The following LRWD1 variants were observed in gnomAD, a reference collection of about 807,000 sequenced individuals.
LRWD1 encodes leucine-rich repeat and WD repeat-containing protein 1.
In LRWD1, 76 loss-of-function variants were observed where a neutral mutation model predicts 75.6. The ratio of observed to expected loss-of-function variants is 1.01; its 90% CI spans 0.84 to 1.22. The LOEUF is 1.22. Ranked by LOEUF, LRWD1 falls within the 50% of genes most tolerant of loss-of-function variation. The probability of loss-of-function intolerance (pLI) is 0.00; values close to 1 mark genes in which losing one functional copy is unlikely to be tolerated. For missense variants in LRWD1, 917 were observed against 862.0 expected (o/e 1.06, Z -0.80); for synonymous variants, 487 against 377.0 (o/e 1.29, Z -3.38).
chr7:102,470,038 G>C, intron 11 of LRWD1, 156 bp downstream of exon 11: 1 of 972,394 alleles, frequency 1.0e-6, no homozygotes, highest in Non-Finnish European at 1.4e-6. Flanking sequence ...CTTTCTGCCA[G>C]GCTCTGGAGG....
chr7:102,472,403 G>GAAGGT, intron 12 of LRWD1, 51 bp from the exon 13 acceptor site: 1 of 1,548,996 alleles, frequency 6.5e-7, no homozygotes, highest in Non-Finnish European at 8.7e-7. Flanking sequence ...TCTAGTGGGA[G>GAAGGT]AAGGTGTCTG....
In LRWD1 at chr7:102,472,578, G is replaced by A. The variant is rs779340903; in HGVS notation, c.1659G>A (p.Glu553=). ...CGCGGCTGCAATGGTCGTCCACCGAGTTGGCCTACTTCTCGCTCAGCGCCT... is the reference window on the plus strand; with the variant it reads ...CGCGGCTGCAATGGTCGTCCACCGAATTGGCCTACTTCTCGCTCAGCGCCT... ...VLARLQWSST[E]LAYFSLSACP... is the part of the protein sequence containing the mutation. Residue 553 remains glutamate, a synonymous_variant, in exon 13 of 15, where the codon GAG becomes GAA. Coordinates refer to ENST00000292616, the MANE Select transcript of LRWD1 (RefSeq NM_152892.3). 1.2e-6 allele frequency: 2 copies of A among 1,608,472 alleles called. No individual in the cohort carries two copies. Among genetic ancestry groups the A allele is most frequent in the East Asian group, 2.2e-5 (1 of 44,768 alleles).
At position 102,469,594 on chromosome 7, in the gene LRWD1, A is replaced by C; in HGVS notation, c.1249A>C (p.Ile417Leu). ...HLFTASYDKR[I>L]ILWDIGVPNQ... ...TTCAGCGGCCTCCTATGACAAGCGG[A>C]TCATCCTCTGGGACATCGGGGTGCC... The change falls in exon 10 of 15, where the codon ATC becomes CTC. Residue 417 changes from isoleucine to leucine, a missense_variant. Coordinates refer to ENST00000292616, the MANE Select transcript of LRWD1 (RefSeq NM_152892.3). 1 of 1,614,142 alleles carries C rather than the reference A, an allele frequency of 6.2e-7. No individual in the cohort carries two copies. Among genetic ancestry groups the C allele is most frequent in the Non-Finnish European group, 8.5e-7 (1 of 1,179,996 alleles).
At chr7:102,467,586 A>G in intron 4 of LRWD1, 107 bp downstream of exon 4, 1 of 1,534,888 alleles carries the variant, frequency 6.5e-7, no homozygotes, top group Non-Finnish European at 8.8e-7. Context: ...GGGGTGAGTC[A>G]GGGTGGGCAG....
At chr7:102,467,171 G>GGTGTGTGTAT (rs1798025746) in intron 3 of LRWD1, among the ~76,000 whole-genome samples, 168 bp from the exon 4 acceptor site, 1 of 99,116 alleles carries the variant, frequency 1.0e-5, no homozygotes, top group Non-Finnish European at 1.9e-5. Context: ...GTGTGTGTGG[G>GGTGTGTGTAT]GTGTGTGTGT....
At chr7:102,467,502 A>AG (rs1345108235) in intron 4 of LRWD1, 23 bp downstream of exon 4, 22 of 1,609,162 alleles carry the variant, frequency 1.4e-5, no homozygotes, top group Non-Finnish European at 1.9e-5. Context: ...CCCAATGTGC[A>AG]GGGAGTCACT....
In LRWD1 at chr7:102,466,050, C is replaced by T. The variant is rs1463823086; in HGVS notation, c.314C>T (p.Thr105Met). The change falls in exon 2 of 15, where the codon ACG (threonine) becomes ATG (methionine). Residue 105 changes from threonine (T) to methionine (M), a missense_variant and splice_region_variant. By Grantham distance (81) the Thr-to-Met change is moderately conservative. Coordinates refer to ENST00000292616, the MANE Select transcript of LRWD1 (RefSeq NM_152892.3). ...AGCCTGGAGGGCAACCCCTTCCTGA[C>T]GGTAAGTGGGAGCCTCCCACCAGCT... The part of the protein sequence containing the change: ...ELSLEGNPFL[T>M]VNDNLKVSFL... 6.2e-7 allele frequency: 1 copy of T among 1,614,012 alleles called. No homozygotes were observed. The highest frequency in any genetic ancestry group is 1.1e-5 in the South Asian group (1 of 91,082).
intron 1 of LRWD1, 26 bp from the exon 2 acceptor site, chr7:102,465,791 C>T (rs368120898): frequency 6.3e-7 from 1 of 1,591,150 alleles, no homozygotes; most frequent in South Asian, 1.1e-5. Flanking sequence ...CTGCCCGCCC[C>T]CTAAGCCTTC....
intron 4 of LRWD1, 22 bp from the exon 5 acceptor site, chr7:102,467,697 C>T (rs1798054312): frequency 6.5e-7 from 1 of 1,550,100 alleles, no homozygotes; most frequent in South Asian, 1.2e-5. Flanking sequence ...GCCCAGCTTC[C>T]TGATGGCCTG....
intron 7 of LRWD1, 52 bp downstream of exon 7, chr7:102,468,429 G>A: frequency 6.5e-7 from 1 of 1,547,624 alleles, no homozygotes; most frequent in African/African-American, 1.4e-5. Flanking sequence ...AGGGCCGCCT[G>A]GATGGGTGGG....
rs200906612 is a variant in LRWD1 at position 102,469,680 on chromosome 7, C to T, written c.1301+34C>T. 5 of 1,614,020 alleles carry T rather than the reference C, an allele frequency of 3.1e-6. No homozygotes were observed. In the Admixed American group the frequency reaches 5.0e-5, roughly 16 times the overall value. ...TCGGGTGAGGCTGGGGAGTGGCCAG[C>T]TGCTGGGGCAGGGACACCTCGGTCT... On this transcript the variant is annotated intron_variant, in intron 10 of 14. Transcript: ENST00000292616.
Position 102,464,988 on chromosome 7 carries a change from A to G in LRWD1, c.-93A>G, listed in dbSNP as rs1797911551. ...GCGGCGCCGCCTCCTGGGCTCAGTT[A>G]CCGCGGACGCCAGTGCCGGGCTCCA... On this transcript the variant is annotated 5_prime_UTR_variant, in exon 1 of 15. Transcript: ENST00000292616. The G allele has an allele frequency of 1.5e-6, 2 of 1,347,732 alleles. No homozygotes were observed. The highest frequency in any genetic ancestry group is 4.0e-5 in the Admixed American group (1 of 24,850). 83.5% of individuals were successfully genotyped at this position (1,347,732 alleles called of 1,614,324 possible).
Position 102,465,872 on chromosome 7 carries a change from C to T in LRWD1, c.136C>T (p.Leu46=), listed in dbSNP as rs370174818. The T allele has an allele frequency of 2.5e-6, 4 of 1,613,570 alleles. No individual in the cohort carries two copies. The highest frequency in any genetic ancestry group is 3.3e-5 in the Admixed American group (2 of 60,012). The change falls in exon 2 of 15, where the codon CTG becomes TTG. Residue 46 remains leucine (L), a synonymous_variant. Transcript: ENST00000292616. ...EHLDPKLLCR[L]TQLQELDLSN... Reference sequence around the variant, plus strand: ...CCTGGACCCCAAACTCCTGTGCCGCCTGACGCAGCTGCAGGAGCTTGACCT... The same window carrying T: ...CCTGGACCCCAAACTCCTGTGCCGCTTGACGCAGCTGCAGGAGCTTGACCT...
intron 1 of LRWD1, chr7:102,465,488 G>GTTTTTTTTTTTTTTTTTT (rs1797932813): frequency 2.8e-5 from 3 of 107,648 alleles, no homozygotes; most frequent in African/African-American, 1.0e-4. Context: ...AGTAGTTGCA[G>GTTTTTTTTTTTTTTTTTT]CTTTTTTTTT....
Position 102,465,171 on chromosome 7 carries a change from G to T in LRWD1, c.80+11G>T. On this transcript the variant is annotated intron_variant, in intron 1 of 14. Coordinates refer to ENST00000292616, the MANE Select transcript of LRWD1 (RefSeq NM_152892.3). ...GATCCGGAGTCTGGAGTAAGAGCCG[G>T]GCAGCGGGTGAGGCTGTGTCCTCGG... is the stretch of plus-strand genomic sequence containing the variant. The T allele has an allele frequency of 6.7e-7, 1 of 1,489,106 alleles. No homozygotes were observed. The highest frequency in any genetic ancestry group is 8.9e-7 in the Non-Finnish European group (1 of 1,121,898). 92.2% of individuals were successfully genotyped at this position (1,489,106 alleles called of 1,614,324 possible). A position where few individuals can be genotyped will look rare whatever the true frequency, so the allele number is the denominator to read the frequency against.
At chr7:102,467,894 G>T (rs1586739489) in intron 5 of LRWD1, 71 bp downstream of exon 5, 13 of 1,517,676 alleles carry the variant, frequency 8.6e-6, no homozygotes, top group Non-Finnish European at 1.1e-5. Context: ...GGAGACCAAG[G>T]CGTCCTGGGC....
In LRWD1 at chr7:102,465,998, T is replaced by C; in HGVS notation, c.262T>C (p.Cys88Arg). The C allele has an allele frequency of 6.2e-7, 1 of 1,614,042 alleles. No individual in the cohort carries two copies. Among genetic ancestry groups the C allele is most frequent in the Non-Finnish European group, 8.5e-7 (1 of 1,180,032 alleles). Residue 88 changes from cysteine (C) to arginine (R), a missense_variant, in exon 2 of 15, where the codon TGC becomes CGC. Coordinates refer to ENST00000292616, the MANE Select transcript of LRWD1 (RefSeq NM_152892.3). Reference sequence around the variant, plus strand: ...CCAGCTGGGGGATGTTACTGCCTTGTGCCAGTTCCCCAAGCTCGAGGAACT... The same window carrying C: ...CCAGCTGGGGGATGTTACTGCCTTGCGCCAGTTCCCCAAGCTCGAGGAACT... ...NNQLGDVTAL[C>R]QFPKLEELSL...
chr7:102,467,304 T>TGGGCC, intron 3 of LRWD1, 35 bp from the exon 4 acceptor site: 1 of 1,560,136 alleles, frequency 6.4e-7, no homozygotes, highest in African/African-American at 1.4e-5. Context: ...GGAGCTGGGG[T>TGGGCC]GGGCCGGGCC....
At chr7:102,465,185 CTG>C (rs1031690763) in intron 1 of LRWD1, 25 bp downstream of exon 1, 1 of 1,459,198 alleles carries the variant, frequency 6.9e-7, no homozygotes, top group Non-Finnish European at 9.0e-7. Context: ...GCGGGTGAGG[CTG>C]TGTCCTCGGG....
Sources: gnomAD v4.1 joint callset for allele counts (sites outside exome capture counted in the v4.1 genomes callset) on GRCh38, gnomAD v4.1.1 for gene constraint, MANE v1.5 for transcripts, NCBI Gene and HGNC (gene_info 2026-07-23, HGNC 2026-07-21) for gene names.